ALDH8A1: variants seen among roughly 807,000 people sequenced by gnomAD.
ALDH8A1 encodes 2-aminomuconic semialdehyde dehydrogenase.
Under a neutral mutation model 43.3 loss-of-function variants are expected in ALDH8A1, and 39 were observed. That is an observed-to-expected ratio of 0.90 (90% confidence interval 0.70 to 1.18). The LOEUF (loss-of-function observed/expected upper bound fraction) is 1.18. Ranked by LOEUF, ALDH8A1 falls within the 50% of genes most tolerant of loss-of-function variation. ALDH8A1 has a pLI of 0.00. For synonymous variants in ALDH8A1, 233 were observed against 243.5 expected (o/e 0.96, Z 0.40); for missense variants, 605 against 622.6 (o/e 0.97, Z 0.30).
intron 6 of ALDH8A1, among the ~76,000 whole-genome samples, chr6:134,922,883 T>C (rs954213669): frequency 2.0e-5 from 3 of 152,270 alleles, no homozygotes; most frequent in African/African-American, 4.8e-5. Flanking sequence ...GTTGAGTTGA[T>C]AGTAACGTGC....
chr6:134,938,618 TTTATTTTA>T (rs1430667653), intron 4 of ALDH8A1, among the ~76,000 whole-genome samples: 6 of 40,426 alleles, frequency 1.5e-4, no homozygotes, highest in Non-Finnish European at 4.8e-4. Flanking sequence ...GATTCAAGAT[TTTATTTTA>T]TTATTATTAT....
In ALDH8A1 at chr6:134,918,760, C is replaced by T; in HGVS notation, c.1119G>A (p.Met373Ile). ...LPARNQAGYF[M>I]LPTVITDIKD... is the part of the protein sequence containing the mutation. ...TAATGTCTGTTATCACCGTGGGAAG[C>T]ATAAAGTAGCCTGCCTGGTTCCTGG... Residue 373 changes from methionine (M) to isoleucine (I), a missense_variant, in exon 7 of 7, where the codon ATG becomes ATA. Met to Ile is a conservative substitution (Grantham distance 10, BLOSUM62 1). Transcript: ENST00000265605. The T allele has an allele frequency of 1.2e-6, 2 of 1,614,238 alleles. No homozygotes were observed. Among genetic ancestry groups the T allele is most frequent in the Non-Finnish European group, 1.7e-6 (2 of 1,180,040 alleles).
At chr6:134,948,855 A>C (rs1773997161) in intron 1 of ALDH8A1, among the ~76,000 whole-genome samples, 1 of 152,220 alleles carries the variant, frequency 6.6e-6, no homozygotes, top group African/African-American at 2.4e-5. Flanking sequence ...GTCATTTTTA[A>C]CTTCACTTTG....
intron 4 of ALDH8A1, among the ~76,000 whole-genome samples, chr6:134,937,832 G>T (rs1037675744): frequency 3.9e-5 from 6 of 152,098 alleles, no homozygotes; most frequent in African/African-American, 1.4e-4. Context: ...GGGAAGGGTC[G>T]GCACATTTAA....
At chr6:134,934,875 T>C (rs977082376) in intron 4 of ALDH8A1, among the ~76,000 whole-genome samples, 4 of 152,232 alleles carry the variant, frequency 2.6e-5, no homozygotes, top group Non-Finnish European at 4.4e-5. Flanking sequence ...ATAGAAAAGA[T>C]TGGGGCACCC....
chr6:134,932,673 G>A, intron 5 of ALDH8A1, 103 bp downstream of exon 5: 3 of 1,470,934 alleles, frequency 2.0e-6, no homozygotes, highest in East Asian at 2.3e-5. Flanking sequence ...TCTCGGAAAT[G>A]GCACTGGATT....
intron 3 of ALDH8A1, chr6:134,942,107 G>A: frequency 5.4e-6 from 1 of 184,402 alleles, no homozygotes; most frequent in South Asian, 1.6e-4. Context: ...GTGGTCCCAG[G>A]TACTCAGGAG....
intron 1 of ALDH8A1, among the ~76,000 whole-genome samples, chr6:134,944,759 C>T (rs893753695): frequency 6.6e-6 from 1 of 151,906 alleles, no homozygotes; most frequent in African/African-American, 2.4e-5. Context: ...CGTTGTGGTG[C>T]ATGCCTGTAG....
At position 134,918,522 on chromosome 6, in the gene ALDH8A1, G is replaced by T; in HGVS notation, c.1357C>A (p.Leu453Met). 1 of 1,614,214 alleles carries T rather than the reference G, an allele frequency of 6.2e-7. No individual in the cohort carries two copies. The highest frequency in any genetic ancestry group is 8.5e-7 in the Non-Finnish European group (1 of 1,180,044). The change falls in exon 7 of 7, where the codon CTG (leucine) becomes ATG (methionine). Residue 453 changes from leucine (L) to methionine (M), a missense_variant. Transcript: ENST00000265605. Reference protein sequence around the residue: ...VWTNCWLIRELNLPFGGMKSS... With the variant: ...VWTNCWLIREMNLPFGGMKSS... ...TTCATCCCCCCGAAAGGAAGGTTCA[G>T]CTCCCTGATGAGCCAGCAGTTGGTC... is the stretch of plus-strand genomic sequence containing the variant.
At chr6:134,946,282 A>G (rs1773947612) in intron 1 of ALDH8A1, among the ~76,000 whole-genome samples, 1 of 152,194 alleles carries the variant, frequency 6.6e-6, no homozygotes, top group African/African-American at 2.4e-5. Flanking sequence ...ATAGGGGAAG[A>G]GATGGCTTTG....
At chr6:134,937,634 G>C (rs2114699110) in intron 4 of ALDH8A1, among the ~76,000 whole-genome samples, 1 of 152,276 alleles carries the variant, frequency 6.6e-6, no homozygotes, top group South Asian at 2.1e-4. Flanking sequence ...AGTGGTTAAG[G>C]GAACACGGCT....
intron 6 of ALDH8A1, among the ~76,000 whole-genome samples, chr6:134,921,960 G>A (rs1776809123): frequency 6.6e-6 from 1 of 152,272 alleles, no homozygotes; most frequent in African/African-American, 2.4e-5. Flanking sequence ...GGCAGAGACA[G>A]CAGGGCTTTC....
At chr6:134,939,878 A>T (rs951897348) in intron 3 of ALDH8A1, among the ~76,000 whole-genome samples, 1 of 152,370 alleles carries the variant, frequency 6.6e-6, no homozygotes, top group Admixed American at 6.5e-5. Context: ...TACACAATGG[A>T]ATACAATGCA....
In ALDH8A1 at chr6:134,918,907, G is replaced by T. The variant is rs764111898; in HGVS notation, c.1012-40C>A. On this transcript the variant is annotated intron_variant, in intron 6 of 6. Coordinates refer to ENST00000265605, the MANE Select transcript of ALDH8A1 (RefSeq NM_022568.4). ...ATCATAATTAGCAATGTCTTACCAT[G>T]TGGCTTCACACAAATCAGCAGAAAA... 3.8e-6 allele frequency: 6 copies of T among 1,586,626 alleles called. No homozygotes were observed. In the African/African-American group the frequency reaches 8.1e-5, roughly 21 times the overall value.
chr6:134,927,227 C>T (rs1318027085), intron 6 of ALDH8A1, among the ~76,000 whole-genome samples: 1 of 152,056 alleles, frequency 6.6e-6, no homozygotes, highest in Non-Finnish European at 1.5e-5. Context: ...AACTCATTAG[C>T]GTCTTGTATA....
At chr6:134,924,017 G>C (rs571264787) in intron 6 of ALDH8A1, among the ~76,000 whole-genome samples, 16 of 152,212 alleles carry the variant, frequency 1.1e-4, no homozygotes, top group Non-Finnish European at 1.0e-4. Flanking sequence ...CTGATTCCCT[G>C]CATGCACAGC....
intron 1 of ALDH8A1, 86 bp from the exon 2 acceptor site, chr6:134,944,052 A>G: frequency 1.5e-6 from 2 of 1,350,992 alleles, no homozygotes; most frequent in South Asian, 1.5e-5. Flanking sequence ...AGGTCTCCAC[A>G]CACCTCATTT....
intron 4 of ALDH8A1, among the ~76,000 whole-genome samples, chr6:134,934,635 T>C (rs989918993): frequency 3.9e-5 from 6 of 152,230 alleles, no homozygotes; most frequent in Non-Finnish European, 7.4e-5. Context: ...ATGTCCACCA[T>C]GTATATAAAC....
At chr6:134,919,255 A>C (rs1452537611) in intron 6 of ALDH8A1, among the ~76,000 whole-genome samples, 1 of 152,228 alleles carries the variant, frequency 6.6e-6, no homozygotes. Flanking sequence ...TAAACAGTAA[A>C]GTTAGAATTC....
Sources: allele counts gnomAD v4.1 joint callset (sites outside exome capture counted in the v4.1 genomes callset), GRCh38; gene constraint gnomAD v4.1.1; transcripts MANE v1.5; gene names NCBI Gene and HGNC (gene_info 2026-07-23, HGNC 2026-07-21).